Variants in C10orf90 observed in about 807,000 individuals in gnomAD.
C10orf90 encodes the protein (E2-independent) E3 ubiquitin-conjugating enzyme FATS.
Under a neutral mutation model 62.5 loss-of-function variants are expected in C10orf90, and 56 were observed. The ratio of observed to expected loss-of-function variants is 0.90; its 90% confidence interval spans 0.72 to 1.12. The LOEUF (loss-of-function observed/expected upper bound fraction) is 1.12, where lower values mean the gene tolerates loss of function less well. Among genes scored for constraint, C10orf90 ranks in the 50% most tolerant of loss-of-function variants. C10orf90 has a pLI of 0.00. For missense variants in C10orf90, 970 were observed against 880.4 expected, an observed-to-expected ratio of 1.10 and a Z score of -1.29; for synonymous variants, 386 against 340.4, an observed-to-expected ratio of 1.13 and a Z score of -1.47.
intron 2 of C10orf90, among the ~76,000 whole-genome samples, chr10:126,584,253 TCTGC>T (rs1247522024): frequency 6.6e-6 from 1 of 152,080 alleles, no homozygotes; most frequent in African/African-American, 2.4e-5. Context: ...TTTCCATCTG[TCTGC>T]CTGCCTGCCT....
intron 3 of C10orf90, among the ~76,000 whole-genome samples, chr10:126,511,775 A>C (rs557188982): frequency 6.6e-6 from 1 of 152,310 alleles, no homozygotes; most frequent in East Asian, 1.9e-4. Context: ...AAATAGAGGA[A>C]AATGTACAGA....
chr10:126,572,536 A>T (rs891260147), intron 2 of C10orf90, among the ~76,000 whole-genome samples: 1 of 151,986 alleles, frequency 6.6e-6, no homozygotes, highest in Non-Finnish European at 1.5e-5. Context: ...ACTTCCTGAC[A>T]TTGCCATGGC....
intron 2 of C10orf90, among the ~76,000 whole-genome samples, chr10:126,544,319 C>A (rs1199063241): frequency 6.6e-6 from 1 of 152,254 alleles, no homozygotes; most frequent in Admixed American, 6.5e-5. Flanking sequence ...TGGGTCCTAC[C>A]AAGCCCAGCA....
At position 126,459,100 on chromosome 10, in the gene C10orf90, G is replaced by C; in HGVS notation, c.2128C>G (p.Gln710Glu). The C allele has an allele frequency of 6.2e-7, 1 of 1,614,092 alleles. No individual in the cohort carries two copies. Among genetic ancestry groups the C allele is most frequent in the South Asian group, 1.1e-5 (1 of 91,080 alleles). Residue 710 changes from glutamine (Q) to glutamate (E), a missense_variant, in exon 7 of 10, where the codon CAG becomes GAG. Transcript: ENST00000488181. ...AQRKEDLRQK[Q>E]SLLPIRTSKK... ...CTGGTGCGGATGGGAAGGAGGCTCT[G>C]CTTCTGCCTCAGGTCCTCCTTCCGC...
At chr10:126,580,508 C>T (rs1844724156) in intron 2 of C10orf90, among the ~76,000 whole-genome samples, 1 of 152,064 alleles carries the variant, frequency 6.6e-6, no homozygotes, top group African/African-American at 2.4e-5. Flanking sequence ...AAAAAATCAG[C>T]CAGGCGCAGT....
At position 126,568,531 on chromosome 10, in the gene C10orf90, A is replaced by C. The variant is rs74158835; in HGVS notation, c.314-54592T>G. On this transcript the variant is annotated intron_variant, in intron 2 of 9. Transcript: ENST00000488181. ...GACCTTTTCATGGGCTCACTGGTTT[A>C]GTCAGACACACCCTGATAATCTCTT... 3.0e-3 allele frequency among the ~76,000 whole-genome samples: 463 copies of C among 152,308 alleles called. 3 individuals carry two copies. Among genetic ancestry groups the C allele is most frequent in the African/African-American group, 0.011 (455 of 41,566 alleles).
At chr10:126,426,111 A>G (rs371535860) in intron 8 of C10orf90, 21 bp from the exon 9 acceptor site, 8 of 1,593,812 alleles carry the variant, frequency 5.0e-6, no homozygotes, top group Admixed American at 1.7e-5. Flanking sequence ...TTCGGAAAAC[A>G]TTTGGAATGG....
At chr10:126,664,065 T>C (rs992252886) in intron 1 of C10orf90, among the ~76,000 whole-genome samples, 2 of 152,184 alleles carry the variant, frequency 1.3e-5, no homozygotes, top group Non-Finnish European at 2.9e-5. Context: ...GTGATGGAAT[T>C]TGCAGCTGGC....
chr10:126,476,817 T>C (rs569751089), intron 4 of C10orf90, among the ~76,000 whole-genome samples: 125 of 152,192 alleles, frequency 8.2e-4, no homozygotes, highest in Middle Eastern at 3.4e-3. Flanking sequence ...TCTTGAAAGC[T>C]ACCGTGAATA....
intron 1 of C10orf90, among the ~76,000 whole-genome samples, chr10:126,658,429 T>C (rs1342636059): frequency 6.6e-6 from 1 of 152,178 alleles, no homozygotes; most frequent in Admixed American, 6.5e-5. Context: ...TAAAAACAGT[T>C]GAGTTGTTGT....
At chr10:126,601,917 C>T (rs1564888318) in intron 2 of C10orf90, among the ~76,000 whole-genome samples, 1 of 152,278 alleles carries the variant, frequency 6.6e-6, no homozygotes, top group Non-Finnish European at 1.5e-5. Flanking sequence ...GCTAACCTCG[C>T]TCTCGTTTAT....
chr10:126,528,086 A>C (rs757451503), intron 2 of C10orf90, among the ~76,000 whole-genome samples: 1 of 152,204 alleles, frequency 6.6e-6, no homozygotes, highest in Non-Finnish European at 1.5e-5. Flanking sequence ...GAGTGAGACA[A>C]AGCATTAGCT....
At position 126,504,204 on chromosome 10, in the gene C10orf90, G is replaced by A. The variant is rs1393792779; in HGVS notation, c.1287C>T (p.Gly429=). ...ELLEGDQDLV[G]QRWNPGLQES... is the part of the protein sequence containing the mutation. ...CTTGTAAACCTGGGTTCCAGCGCTGGCCTACGAGGTCCTGGTCTCCCTCCA... is the reference window on the plus strand; with the variant it reads ...CTTGTAAACCTGGGTTCCAGCGCTGACCTACGAGGTCCTGGTCTCCCTCCA... Residue 429 remains glycine, a synonymous_variant, in exon 4 of 10, where the codon GGC becomes GGT. Coordinates refer to ENST00000488181, the MANE Select transcript of C10orf90 (RefSeq NM_001350921.2). The surrounding 1 kb of genome is among the most constrained non-coding windows in gnomAD (Gnocchi z 4.1). The A allele has an allele frequency of 2.3e-5, 37 of 1,614,038 alleles. No individual in the cohort carries two copies. The highest frequency in any genetic ancestry group is 3.1e-5 in the Non-Finnish European group (36 of 1,180,046).
At chr10:126,551,477 T>C (rs1265844826) in intron 2 of C10orf90, among the ~76,000 whole-genome samples, 1 of 152,174 alleles carries the variant, frequency 6.6e-6, no homozygotes, top group East Asian at 1.9e-4. Flanking sequence ...AAACACATGT[T>C]GGATTGAATT....
intron 2 of C10orf90, among the ~76,000 whole-genome samples, chr10:126,608,670 A>G (rs533644723): frequency 6.6e-6 from 1 of 152,354 alleles, no homozygotes; most frequent in South Asian, 2.1e-4. Flanking sequence ...TATATGCAGA[A>G]GCAGATATGA....
rs140354317 is a variant in C10orf90 at position 126,556,802 on chromosome 10, T to C, written c.314-42863A>G. Among the ~76,000 whole-genome samples the C allele has an allele frequency of 2.6e-3, 389 of 152,158 alleles. 5 individuals are homozygous for C. The South Asian group carries it at 0.03, about 12-fold the overall frequency. Reference sequence around the variant, plus strand: ...CTGAAAAGGGGCAGGAGAGAGTTCCTGTAGACATCATGAAGTTCAAACACT... The same window carrying C: ...CTGAAAAGGGGCAGGAGAGAGTTCCCGTAGACATCATGAAGTTCAAACACT... On this transcript the variant is annotated intron_variant, in intron 2 of 9. Coordinates refer to ENST00000488181, the MANE Select transcript of C10orf90 (RefSeq NM_001350921.2).
chr10:126,502,011 A>T (rs1862416673), intron 4 of C10orf90, among the ~76,000 whole-genome samples: 2 of 149,290 alleles, frequency 1.3e-5, no homozygotes. Flanking sequence ...CACCACACAC[A>T]CACACCATAC....
chr10:126,538,461 A>C (rs567926772), intron 2 of C10orf90, among the ~76,000 whole-genome samples: 1 of 152,312 alleles, frequency 6.6e-6, no homozygotes, highest in African/African-American at 2.4e-5. Flanking sequence ...AGGGACCAAC[A>C]TCTTGATGTC....
chr10:126,666,008 C>A (rs1347674654), intron 1 of C10orf90, among the ~76,000 whole-genome samples: 1 of 152,298 alleles, frequency 6.6e-6, no homozygotes, highest in Middle Eastern at 3.4e-3. Flanking sequence ...GGTACAAACA[C>A]CTTGTCACAC....
Sources: gnomAD v4.1 joint callset for allele counts (sites outside exome capture counted in the v4.1 genomes callset) on GRCh38, gnomAD v4.1.1 for gene constraint, Gnocchi (gnomAD v3.1) non-coding constraint, MANE v1.5 for transcripts, NCBI Gene and HGNC (gene_info 2026-07-23, HGNC 2026-07-21) for gene names.